Variants in SGCD observed in about 807,000 individuals in gnomAD.
SGCD encodes delta-sarcoglycan.
SGCD carries 18 observed loss-of-function variants against 36.6 expected under a neutral mutation model. The ratio of observed to expected loss-of-function variants is 0.49; its 90% CI spans 0.34 to 0.73. The LOEUF is 0.73. Ranked by LOEUF, SGCD falls within the 30% of genes least tolerant of loss-of-function variation. The probability of loss-of-function intolerance (pLI) is 0.01; values close to 1 mark genes in which losing one functional copy is unlikely to be tolerated. For synonymous variants in SGCD, 133 were observed against 130.6 expected, an observed-to-expected ratio of 1.02 and a Z score of -0.12; for missense variants, 387 against 346.7, an observed-to-expected ratio of 1.12 and a Z score of -0.92.
chr5:156,137,939 C>T (rs1468596300), intron 3 of SGCD, among the ~76,000 whole-genome samples: 1 of 152,106 alleles, frequency 6.6e-6, no homozygotes, highest in Non-Finnish European at 1.5e-5. Flanking sequence ...TATTAATATA[C>T]AATAAAATCA....
chr5:155,825,530 T>A, the SGCD span, among the ~76,000 whole-genome samples: 1 of 152,140 alleles, frequency 6.6e-6, no homozygotes, highest in Admixed American at 6.5e-5. Flanking sequence ...TTCGTCTCCA[T>A]ATGGTTCAAG....
intron 1 of SGCD, among the ~76,000 whole-genome samples, chr5:156,055,700 C>T (rs1760040168): frequency 6.8e-6 from 1 of 146,290 alleles, no homozygotes; most frequent in South Asian, 2.2e-4. Context: ...TTTAAACTAG[C>T]TGGATGCCTG....
intron 5 of SGCD, among the ~76,000 whole-genome samples, chr5:156,594,069 T>G (rs1324835860): frequency 6.6e-6 from 1 of 152,206 alleles, no homozygotes; most frequent in East Asian, 1.9e-4. Flanking sequence ...AATTTAGGTA[T>G]TCAGGTAGAT....
chr5:155,815,220 A>AT, the SGCD span, among the ~76,000 whole-genome samples: 1 of 152,158 alleles, frequency 6.6e-6, no homozygotes, highest in Non-Finnish European at 1.5e-5. Flanking sequence ...GACCTTAGTC[A>AT]TTTTTGTCTT....
At chr5:156,484,837 C>A (rs181072030) in intron 3 of SGCD, among the ~76,000 whole-genome samples, 16 of 152,174 alleles carry the variant, frequency 1.1e-4, no homozygotes, top group Non-Finnish European at 1.6e-4. Flanking sequence ...TTCCTTCTAC[C>A]TGAGCCTGGT....
intron 1 of SGCD, among the ~76,000 whole-genome samples, chr5:155,961,747 C>T (rs934264273): frequency 6.6e-6 from 1 of 151,700 alleles, no homozygotes. Flanking sequence ...TTTTGGTTTG[C>T]TACGGAATCA....
intron 1 of SGCD, among the ~76,000 whole-genome samples, chr5:156,098,684 C>G (rs769111993): frequency 1.6e-4 from 24 of 151,926 alleles, no homozygotes; most frequent in Non-Finnish European, 2.5e-4. Context: ...ACAATCTCCT[C>G]TTATAAAGTT....
intron 3 of SGCD, among the ~76,000 whole-genome samples, chr5:156,273,979 A>C (rs1023497853): frequency 6.6e-6 from 1 of 152,092 alleles, no homozygotes; most frequent in South Asian, 2.1e-4. Context: ...GTCACGCTGG[A>C]ATACCTTTTT....
At chr5:156,750,648 G>C (rs74835641) in intron 7 of SGCD, among the ~76,000 whole-genome samples, 3 of 101,114 alleles carry the variant, frequency 3.0e-5, no homozygotes, top group African/African-American at 1.1e-4. Flanking sequence ...CTCTGTCTCA[G>C]AAAAAAAAAA....
intron 1 of SGCD, among the ~76,000 whole-genome samples, chr5:156,078,830 A>C (rs1297360586): frequency 2.0e-5 from 3 of 150,670 alleles, no homozygotes; most frequent in Non-Finnish European, 3.0e-5. Flanking sequence ...AGGTTTTTGC[A>C]GTTTTACTTA....
intron 6 of SGCD, among the ~76,000 whole-genome samples, chr5:156,607,991 A>C (rs1162522820): frequency 6.6e-6 from 1 of 152,094 alleles, no homozygotes; most frequent in Non-Finnish European, 1.5e-5. Flanking sequence ...TTTCAAAAAA[A>C]CAGCTCCTGG....
At chr5:155,871,278 C>T (rs530295136) in intron 1 of SGCD, among the ~76,000 whole-genome samples, 33 of 152,200 alleles carry the variant, frequency 2.2e-4, no homozygotes, top group Non-Finnish European at 3.7e-4. Context: ...GTTGAAGAGA[C>T]GGTACATTGT....
At chr5:155,977,314 C>G (rs1561669874) in intron 1 of SGCD, among the ~76,000 whole-genome samples, 1 of 152,186 alleles carries the variant, frequency 6.6e-6, no homozygotes, top group Non-Finnish European at 1.5e-5. Context: ...GGTACTTACC[C>G]TCATAAAACT....
chr5:156,608,437 A>G (rs1761595652), intron 6 of SGCD, among the ~76,000 whole-genome samples: 1 of 152,090 alleles, frequency 6.6e-6, no homozygotes, highest in Non-Finnish European at 1.5e-5. Context: ...GTTCTTTTAC[A>G]TTTGCTGAGG....
the SGCD span, among the ~76,000 whole-genome samples, chr5:155,756,735 G>T: frequency 6.6e-6 from 1 of 152,162 alleles, no homozygotes; most frequent in African/African-American, 2.4e-5. Flanking sequence ...GTGTTTTGCA[G>T]GTATGGCTCA....
the SGCD span, among the ~76,000 whole-genome samples, chr5:155,842,363 A>G: frequency 3.3e-5 from 5 of 151,504 alleles, no homozygotes; most frequent in East Asian, 1.9e-4. Flanking sequence ...TCACAAAGTC[A>G]GGAGATAGAG....
chr5:155,893,206 A>G (rs563090399), intron 1 of SGCD, among the ~76,000 whole-genome samples: 1 of 152,162 alleles, frequency 6.6e-6, no homozygotes, highest in Non-Finnish European at 1.5e-5. Context: ...CTATATATAT[A>G]TACATTTTAA....
chr5:155,929,287 T>C (rs1464807479), intron 1 of SGCD, among the ~76,000 whole-genome samples: 2 of 152,218 alleles, frequency 1.3e-5, no homozygotes, highest in Admixed American at 1.3e-4. Context: ...TTGTACATAC[T>C]TGCTCAGCGG....
Position 156,000,194 on chromosome 5 carries a change from C to A in SGCD, c.-281-117684C>A, listed in dbSNP as rs561820608. Among the ~76,000 whole-genome samples, 21 of 152,298 alleles carry A rather than the reference C, an allele frequency of 1.4e-4. No homozygotes were observed. In the South Asian group the frequency reaches 3.9e-3, roughly 29 times the overall value. ...TGTTACTCTCACCCCCACAAAGCTG[C>A]CATTTAGTGGCTCTGTGGGCCTGGG... On this transcript the variant is annotated intron_variant, in intron 1 of 9. Transcript: ENST00000517913.
Sources: allele counts gnomAD v4.1 joint callset (sites outside exome capture counted in the v4.1 genomes callset), GRCh38; gene constraint gnomAD v4.1.1; transcripts MANE v1.5; gene names NCBI Gene and HGNC (gene_info 2026-07-23, HGNC 2026-07-21).